PSKH1: variants seen among roughly 807,000 people sequenced by gnomAD.
PSKH1 encodes the protein protein serine kinase H1.
PSKH1 carries 12 observed loss-of-function variants against 26.7 expected under a neutral mutation model. The ratio of observed to expected loss-of-function variants is 0.45; its 90% CI spans 0.29 to 0.73. PSKH1 has a LOEUF of 0.73. Among genes scored for constraint, PSKH1 ranks in the 30% least tolerant of loss-of-function variants. PSKH1 has a pLI of 0.11. For synonymous variants in PSKH1, 213 were observed against 234.3 expected (o/e 0.91, Z 0.83); for missense variants, 431 against 595.2 (o/e 0.72, Z 2.87).
At chr16:67,918,068 G>A (rs1187997094) in intron 2 of PSKH1, among the ~76,000 whole-genome samples, 1 of 152,156 alleles carries the variant, frequency 6.6e-6, no homozygotes, top group African/African-American at 2.4e-5. Flanking sequence ...TCTAAAGGAT[G>A]ACACAGAAGG....
At chr16:67,906,033 A>T (rs1471763995) in intron 1 of PSKH1, among the ~76,000 whole-genome samples, 2 of 151,692 alleles carry the variant, frequency 1.3e-5, no homozygotes, top group African/African-American at 2.4e-5. Context: ...TAAATGTTTT[A>T]TCTGAATTGT....
intron 2 of PSKH1, among the ~76,000 whole-genome samples, chr16:67,918,852 A>C (rs1024146140): frequency 1.3e-5 from 2 of 152,118 alleles, no homozygotes; most frequent in African/African-American, 4.8e-5. Context: ...TTGGCCTCCC[A>C]AAGTGCTGGG....
At chr16:67,900,552 G>A (rs1347025999) in intron 1 of PSKH1, among the ~76,000 whole-genome samples, 1 of 152,200 alleles carries the variant, frequency 6.6e-6, no homozygotes, top group Non-Finnish European at 1.5e-5. Flanking sequence ...TCTTTCCGGA[G>A]TGATAGAAGG....
In PSKH1 at chr16:67,915,208, A is replaced by AGAGTGT. The variant is rs1479412956; in HGVS notation, c.957+5503_957+5504insAGTGTG. On this transcript the variant is annotated intron_variant, in intron 2 of 2. Transcript: ENST00000291041. ...GAGTGAGTGAGTGAGAGAGAGAGAGAGTGTGTGTGTGTGTGTGTGTGTGTG... is the reference window on the plus strand; with the variant it reads ...GAGTGAGTGAGTGAGAGAGAGAGAGAGAGTGTGTGTGTGTGTGTGTGTGTGTGTGTG... Among the ~76,000 whole-genome samples, 51 of 143,990 alleles carry AGAGTGT rather than the reference A, an allele frequency of 3.5e-4. No individual in the cohort carries two copies. In the East Asian group the frequency reaches 5.1e-3, roughly 14 times the overall value. The allele number at this position is 143,990 out of a possible 152,430, so 94.5% of individuals were successfully genotyped here.
At chr16:67,920,396 G>A (rs1291572631) in intron 2 of PSKH1, among the ~76,000 whole-genome samples, 1 of 152,104 alleles carries the variant, frequency 6.6e-6, no homozygotes, top group African/African-American at 2.4e-5. Context: ...CGAGTAGCTG[G>A]GATTACAGGT....
Position 67,909,452 on chromosome 16 carries a change from A to G in PSKH1, c.703A>G (p.Ile235Val), listed in dbSNP as rs762209921. The G allele has an allele frequency of 5.0e-6, 8 of 1,613,526 alleles. No homozygotes were observed. The highest frequency in any genetic ancestry group is 3.3e-5 in the South Asian group (3 of 91,068). The change falls in exon 2 of 3, where the codon ATC becomes GTC. Residue 235 changes from isoleucine (I) to valine (V), a missense_variant. Physicochemically the swap from Ile to Val is conservative, Grantham distance 29. Transcript: ENST00000291041. The surrounding 1 kb of genome is among the most constrained non-coding windows in gnomAD (Gnocchi z 7.8). ...LYYHPGTDSK[I>V]IITDFGLASA... The stretch of plus-strand genomic sequence containing the variant: ...CTACCATCCGGGCACTGACTCCAAG[A>G]TCATCATCACCGACTTCGGCCTGGC...
intron 2 of PSKH1, among the ~76,000 whole-genome samples, chr16:67,917,450 A>G (rs761866387): frequency 2.0e-5 from 3 of 152,242 alleles, no homozygotes; most frequent in Non-Finnish European, 2.9e-5. Context: ...ATGTACATCA[A>G]TACATATGCT....
At chr16:67,894,986 C>T (rs558134118) in intron 1 of PSKH1, among the ~76,000 whole-genome samples, 11 of 147,298 alleles carry the variant, frequency 7.5e-5, no homozygotes, top group South Asian at 2.1e-4. Context: ...AGCAATGGCG[C>T]GATCTTGGCT....
At chr16:67,915,452 G>A (rs967473589) in intron 2 of PSKH1, among the ~76,000 whole-genome samples, 1 of 152,022 alleles carries the variant, frequency 6.6e-6, no homozygotes, top group Admixed American at 6.6e-5. Flanking sequence ...CTGGGGGAGG[G>A]GTCCTTATCA....
At position 67,909,607 on chromosome 16, in the gene PSKH1, T is replaced by C; in HGVS notation, c.858T>C (p.Ile286=). 6 of 1,614,052 alleles carry C rather than the reference T, an allele frequency of 3.7e-6. No individual in the cohort carries two copies. The highest frequency in any genetic ancestry group is 5.1e-6 in the Non-Finnish European group (6 of 1,180,034). ...NSVDMWALGV[I]AYILLSGTMP... ...TGGACATGTGGGCGCTGGGCGTCATTGCCTACATCCTACTCAGTGGCACCA... is the reference window on the plus strand; with the variant it reads ...TGGACATGTGGGCGCTGGGCGTCATCGCCTACATCCTACTCAGTGGCACCA... The change falls in exon 2 of 3, where the codon ATT becomes ATC. Residue 286 remains isoleucine, a synonymous_variant. Transcript: ENST00000291041. The surrounding 1 kb of genome is among the most constrained non-coding windows in gnomAD (Gnocchi z 7.8).
chr16:67,907,699 G>A (rs1019272051), intron 1 of PSKH1, among the ~76,000 whole-genome samples: 1 of 152,204 alleles, frequency 6.6e-6, no homozygotes, highest in African/African-American at 2.4e-5. Context: ...CATCCATGTA[G>A]TGTGCTGGGG....
intron 2 of PSKH1, among the ~76,000 whole-genome samples, chr16:67,926,929 G>A (rs2058218396): frequency 1.3e-5 from 2 of 152,194 alleles, no homozygotes; most frequent in South Asian, 4.1e-4. Flanking sequence ...GCCTGATCCT[G>A]GTCATCCAGA....
At chr16:67,903,400 C>T (rs2058147011) in intron 1 of PSKH1, among the ~76,000 whole-genome samples, 1 of 152,140 alleles carries the variant, frequency 6.6e-6, no homozygotes, top group Non-Finnish European at 1.5e-5. Flanking sequence ...AGTCCTCACG[C>T]CTTGGCCTCC....
intron 2 of PSKH1, among the ~76,000 whole-genome samples, chr16:67,920,519 A>G (rs1423382187): frequency 1.3e-5 from 2 of 152,110 alleles, no homozygotes; most frequent in African/African-American, 4.8e-5. Context: ...TCGGCCTCCC[A>G]AAGTGCTGAG....
chr16:67,911,307 A>G (rs375981434), intron 2 of PSKH1, among the ~76,000 whole-genome samples: 2 of 152,302 alleles, frequency 1.3e-5, no homozygotes, highest in East Asian at 1.9e-4. Flanking sequence ...CTCTGGAAGC[A>G]GCTTCCTTCT....
At chr16:67,904,920 G>A (rs901954312) in intron 1 of PSKH1, among the ~76,000 whole-genome samples, 1 of 144,048 alleles carries the variant, frequency 6.9e-6, no homozygotes, top group Non-Finnish European at 1.5e-5. Flanking sequence ...TCTGCCTCCC[G>A]CATTCACGCC....
At chr16:67,924,549 G>A (rs2058211159) in intron 2 of PSKH1, among the ~76,000 whole-genome samples, 1 of 152,248 alleles carries the variant, frequency 6.6e-6, no homozygotes. Context: ...TGGATGTGAA[G>A]TGGTGAAACC....
chr16:67,905,028 G>A (rs1001242326), intron 1 of PSKH1, among the ~76,000 whole-genome samples: 22 of 150,774 alleles, frequency 1.5e-4, no homozygotes, highest in Non-Finnish European at 2.8e-4. Flanking sequence ...GGGTTTCACT[G>A]TGTTAGCCAG....
intron 1 of PSKH1, among the ~76,000 whole-genome samples, chr16:67,894,027 G>A (rs138372957): frequency 0.013 from 1,941 of 152,304 alleles, 19 homozygotes; most frequent in Non-Finnish European, 0.023. Context: ...AAGGCATTCA[G>A]GGCTCTTCGT....
Sources: allele counts gnomAD v4.1 joint callset (sites outside exome capture counted in the v4.1 genomes callset), GRCh38; gene constraint gnomAD v4.1.1; non-coding constraint Gnocchi (gnomAD v3.1); transcripts MANE v1.5; gene names NCBI Gene and HGNC (gene_info 2026-07-23, HGNC 2026-07-21).